The following SLC25A48 variants were observed in gnomAD, a reference collection of about 807,000 sequenced individuals.
SLC25A48 encodes CTC-321K16.1.
A neutral mutation model predicts 32.2 loss-of-function variants in SLC25A48; 29 were observed. The observed-to-expected ratio is 0.90, with a 90% CI of 0.67 to 1.23. SLC25A48 has a LOEUF of 1.23. Ranked by LOEUF, SLC25A48 falls within the 50% of genes most tolerant of loss-of-function variation. The probability of loss-of-function intolerance (pLI) is 0.00; values close to 1 mark genes in which losing one functional copy is unlikely to be tolerated. For synonymous variants in SLC25A48, 164 were observed against 172.3 expected, an observed-to-expected ratio of 0.95 and a Z score of 0.38; for missense variants, 399 against 422.7, an observed-to-expected ratio of 0.94 and a Z score of 0.49.
In SLC25A48 at chr5:135,880,180, C is replaced by T. The variant is rs1762364678; in HGVS notation, c.*7+83C>T. ...TTTTTTATCATGAGAATGTTGTGGC[C>T]TTCTGAAATGTCCTGTTGTTTGTCA... On this transcript the variant is annotated intron_variant, in intron 7 of 7. Transcript: ENST00000681962. The T allele has an allele frequency of 3.4e-6, 5 of 1,473,028 alleles. No individual in the cohort carries two copies. The South Asian group carries it at 6.8e-5, about 20-fold the overall frequency. 91.2% of individuals were successfully genotyped at this position (1,473,028 alleles called of 1,614,324 possible).
chr5:135,819,708 C>T (rs1054919451), intron 4 of SLC25A48, among the ~76,000 whole-genome samples: 1 of 152,084 alleles, frequency 6.6e-6, no homozygotes, highest in African/African-American at 2.4e-5. Context: ...GAAAATTGAT[C>T]AAATTGTACA....
At chr5:135,675,259 A>G (rs940352149) in intron 3 of SLC25A48, among the ~76,000 whole-genome samples, 2 of 152,030 alleles carry the variant, frequency 1.3e-5, no homozygotes, top group African/African-American at 4.8e-5. Context: ...TGTTAGATGA[A>G]TAGTTTGAAA....
chr5:135,720,004 G>T (rs1486796906), intron 3 of SLC25A48, among the ~76,000 whole-genome samples: 1 of 152,242 alleles, frequency 6.6e-6, no homozygotes, highest in Non-Finnish European at 1.5e-5. Flanking sequence ...AGATGAGCTA[G>T]ATCAGTAGTC....
chr5:135,624,524 C>T (rs1752399247), intron 1 of SLC25A48, among the ~76,000 whole-genome samples: 1 of 151,898 alleles, frequency 6.6e-6, no homozygotes, highest in Admixed American at 6.5e-5. Context: ...AGAAAAATTG[C>T]AACAATGGTG....
chr5:135,775,372 A>G (rs1286508583), intron 3 of SLC25A48, among the ~76,000 whole-genome samples: 2 of 151,648 alleles, frequency 1.3e-5, no homozygotes, highest in Non-Finnish European at 2.9e-5. Context: ...ATTGTTTCTA[A>G]TATCAAGTGG....
intron 4 of SLC25A48, among the ~76,000 whole-genome samples, chr5:135,815,594 C>T (rs1757696994): frequency 6.6e-6 from 1 of 152,170 alleles, no homozygotes; most frequent in Admixed American, 6.5e-5. Flanking sequence ...AGGGCAAAGG[C>T]TAGCACATAT....
intron 1 of SLC25A48, among the ~76,000 whole-genome samples, chr5:135,620,447 G>A (rs143645757): frequency 1.0e-3 from 158 of 152,260 alleles, no homozygotes; most frequent in African/African-American, 3.5e-3. Context: ...AGCAGTGTCC[G>A]TGTTTAGTCC....
intron 3 of SLC25A48, among the ~76,000 whole-genome samples, chr5:135,684,356 G>C (rs1323705073): frequency 6.6e-6 from 1 of 152,068 alleles, no homozygotes; most frequent in Non-Finnish European, 1.5e-5. Flanking sequence ...TAGGGACCTA[G>C]ACTCGGAGAT....
rs1035437092 is a variant in SLC25A48 at position 135,774,904 on chromosome 5, C to T, written c.-520-37619C>T. Among the ~76,000 whole-genome samples the T allele has an allele frequency of 9.2e-5, 14 of 151,632 alleles. No homozygotes were observed. The South Asian group carries it at 1.0e-3, about 11-fold the overall frequency. On this transcript the variant is annotated intron_variant, in intron 3 of 10. Coordinates refer to the SLC25A48 transcript ENST00000646290. ...ATATTGCAGAAGGTGTACACACCCC[C>T]GTGATATTGTTTCTAATTCCAGATG...
At chr5:135,628,879 G>T (rs1752498636) in intron 1 of SLC25A48, among the ~76,000 whole-genome samples, 1 of 152,160 alleles carries the variant, frequency 6.6e-6, no homozygotes, top group Admixed American at 6.5e-5. Flanking sequence ...TTTAATAATG[G>T]AGATTTGTGG....
At chr5:135,583,805 G>C in intron 1 of SLC25A48, among the ~76,000 whole-genome samples, 1 of 152,092 alleles carries the variant, frequency 6.6e-6, no homozygotes, top group East Asian at 1.9e-4. Flanking sequence ...CAAGCCTGGC[G>C]GGTGCCTCTC....
rs6876475 is a variant in SLC25A48 at position 135,634,457 on chromosome 5, A to G, written c.-708-312A>G. On this transcript the variant is annotated intron_variant, in intron 2 of 10. Coordinates refer to the SLC25A48 transcript ENST00000646290. ...CTAAGATATGTCCAGCTTATGTTGA[A>G]CTCAACACCATGGAAGGACACTAGA... is the stretch of plus-strand genomic sequence containing the variant. Among the ~76,000 whole-genome samples, 428 of 152,252 alleles carry G rather than the reference A, an allele frequency of 2.8e-3. 3 individuals carry two copies. Among genetic ancestry groups the G allele is most frequent in the African/African-American group, 9.9e-3 (411 of 41,546 alleles).
intron 1 of SLC25A48, among the ~76,000 whole-genome samples, chr5:135,583,394 A>G (rs1022163714): frequency 6.6e-6 from 1 of 152,030 alleles, no homozygotes; most frequent in African/African-American, 2.4e-5. Flanking sequence ...TGACTGGTCA[A>G]GGCTGGTTTT....
At chr5:135,753,631 C>A (rs767384392) in intron 3 of SLC25A48, among the ~76,000 whole-genome samples, 1 of 151,846 alleles carries the variant, frequency 6.6e-6, no homozygotes, top group Non-Finnish European at 1.5e-5. Context: ...AGGGTGCACA[C>A]CCACAGTGAT....
At chr5:135,592,056 G>A (rs1751539859) in intron 1 of SLC25A48, among the ~76,000 whole-genome samples, 1 of 152,182 alleles carries the variant, frequency 6.6e-6, no homozygotes, top group Non-Finnish European at 1.5e-5. Flanking sequence ...AACCAGCTCT[G>A]CTTGTGTTAG....
At chr5:135,840,877 G>A (rs1050019351) in intron 1 of SLC25A48, among the ~76,000 whole-genome samples, 1 of 152,162 alleles carries the variant, frequency 6.6e-6, no homozygotes, top group Non-Finnish European at 1.5e-5. Flanking sequence ...ATGTTGCCGT[G>A]ATGTGTGGTA....
At chr5:135,883,213 A>G (rs1762596034) in intron 7 of SLC25A48, 1 of 982,794 alleles carries the variant, frequency 1.0e-6, no homozygotes, top group South Asian at 4.7e-5. Flanking sequence ...AAGCATTCTC[A>G]TCCCCACCCC....
At chr5:135,693,999 C>T (rs1754208895) in intron 3 of SLC25A48, among the ~76,000 whole-genome samples, 1 of 152,166 alleles carries the variant, frequency 6.6e-6, no homozygotes, top group Admixed American at 6.5e-5. Context: ...TTTAGGAGAT[C>T]CACTTGAAAG....
chr5:135,794,248 G>C (rs1757108602), intron 3 of SLC25A48, among the ~76,000 whole-genome samples: 1 of 151,702 alleles, frequency 6.6e-6, no homozygotes, highest in South Asian at 2.1e-4. Context: ...TAGGGGGGGA[G>C]TGGATGATGT....
Sources: gnomAD v4.1 joint callset for allele counts (sites outside exome capture counted in the v4.1 genomes callset) on GRCh38, gnomAD v4.1.1 for gene constraint, MANE v1.5 for transcripts, NCBI Gene and HGNC (gene_info 2026-07-23, HGNC 2026-07-21) for gene names.